The following DSE variants were observed in gnomAD, a reference collection of about 807,000 sequenced individuals.
DSE encodes the protein dermatan-sulfate epimerase.
Under a neutral mutation model 84.4 loss-of-function variants are expected in DSE, and 36 were observed. The observed-to-expected ratio is 0.43, with a 90% CI of 0.33 to 0.56. DSE has a LOEUF of 0.56. Among genes scored for constraint, DSE ranks in the 20% least tolerant of loss-of-function variants. The probability of loss-of-function intolerance (pLI) is 0.06; values close to 1 mark genes in which losing one functional copy is unlikely to be tolerated. For missense variants in DSE, 862 were observed against 1,169.6 expected (o/e 0.74, Z 3.84); for synonymous variants, 410 against 430.1 (o/e 0.95, Z 0.58).
upstream of DSE, chr6:116,370,941 G>C (rs539010928): frequency 1.3e-3 from 1,257 of 985,410 alleles, 2 homozygotes; most frequent in Non-Finnish European, 1.5e-3. Context: ...CGCCGGCCCG[G>C]CTCTCAGTAG....
chr6:116,361,374 C>T (rs1212587619), intron 2 of DSE, among the ~76,000 whole-genome samples: 1 of 152,146 alleles, frequency 6.6e-6, no homozygotes, highest in Non-Finnish European at 1.5e-5. Flanking sequence ...TAAGTTTTAA[C>T]ATCAAGAAAT....
chr6:116,339,287 T>C (rs890267900), intron 2 of DSE, among the ~76,000 whole-genome samples: 1 of 151,284 alleles, frequency 6.6e-6, no homozygotes, highest in Non-Finnish European at 1.5e-5. Flanking sequence ...CCAAAAGTAA[T>C]AACATTCCCC....
chr6:116,400,949 G>C (rs890928081), intron 2 of DSE: 9 of 152,094 alleles, frequency 5.9e-5, no homozygotes, highest in Non-Finnish European at 1.2e-4. Flanking sequence ...TATTTAGAAA[G>C]AAACCTTTGT....
At chr6:116,288,291 A>G (rs1180782003) in intron 2 of DSE, 3 of 152,164 alleles carry the variant, frequency 2.0e-5, no homozygotes, top group East Asian at 1.9e-4. Flanking sequence ...TAAGCTTTCA[A>G]TGAATAGAAG....
chr6:116,351,639 GA>G (rs1778317211), intron 2 of DSE, among the ~76,000 whole-genome samples: 1 of 151,442 alleles, frequency 6.6e-6, no homozygotes, highest in Non-Finnish European at 1.5e-5. Context: ...CTGCAAAGAG[GA>G]AAAAAAAGAA....
intron 2 of DSE, chr6:116,412,351 A>G (rs1227777634): frequency 6.6e-6 from 1 of 152,082 alleles, no homozygotes; most frequent in Non-Finnish European, 1.5e-5. Context: ...CCTTCATACA[A>G]CACCATCTGC....
chr6:116,352,189 A>T (rs1449190896), intron 2 of DSE, among the ~76,000 whole-genome samples: 2 of 152,138 alleles, frequency 1.3e-5, no homozygotes, highest in Non-Finnish European at 2.9e-5. Flanking sequence ...CTTGATTTTA[A>T]GTGTTTATAC....
At chr6:116,303,507 A>G (rs1446740491) in intron 2 of DSE, among the ~76,000 whole-genome samples, 1 of 152,162 alleles carries the variant, frequency 6.6e-6, no homozygotes, top group Admixed American at 6.5e-5. Flanking sequence ...CATGTTGTAG[A>G]TGATCGGTAT....
chr6:116,429,419 A>G (rs1330827997), intron 3 of DSE, among the ~76,000 whole-genome samples: 3 of 152,220 alleles, frequency 2.0e-5, no homozygotes, highest in Non-Finnish European at 4.4e-5. Context: ...CAATGTGGCT[A>G]CACCCACACC....
intron 2 of DSE, among the ~76,000 whole-genome samples, chr6:116,265,957 T>C (rs768414591): frequency 6.6e-6 from 1 of 152,146 alleles, no homozygotes; most frequent in Non-Finnish European, 1.5e-5. Flanking sequence ...ACCTTGAGTG[T>C]CCATGGTGGT....
At chr6:116,420,077 A>T (rs1306055192) in intron 2 of DSE, among the ~76,000 whole-genome samples, 2 of 152,222 alleles carry the variant, frequency 1.3e-5, no homozygotes, top group African/African-American at 2.4e-5. Context: ...AGGATTAATT[A>T]TAAAGGGAAT....
At chr6:116,321,490 T>C (rs1776317975) in intron 2 of DSE, among the ~76,000 whole-genome samples, 1 of 152,012 alleles carries the variant, frequency 6.6e-6, no homozygotes, top group South Asian at 2.1e-4. Context: ...AAAACTCTTC[T>C]TATATTTACA....
chr6:116,313,508 GT>G (rs1335341344), intron 2 of DSE, among the ~76,000 whole-genome samples: 1 of 152,128 alleles, frequency 6.6e-6, no homozygotes, highest in Non-Finnish European at 1.5e-5. Flanking sequence ...ATAATGATTG[GT>G]TACATAATAC....
intron 2 of DSE, among the ~76,000 whole-genome samples, chr6:116,323,595 C>T (rs1049912250): frequency 8.5e-5 from 13 of 152,250 alleles, no homozygotes; most frequent in African/African-American, 2.6e-4. Context: ...CTATTTTACT[C>T]ATTTTAGTTC....
rs1414214120 is a variant in DSE, at chr6:116,436,825, C to G, written c.2357C>G (p.Thr786Ser). Residue 786 changes from threonine (T) to serine (S), a missense_variant, in exon 6 of 6, where the codon ACT becomes AGT. Physicochemically the swap from Thr to Ser is moderately conservative, Grantham distance 58. Coordinates refer to ENST00000644252, the MANE Select transcript of DSE (RefSeq NM_013352.4). ...CTGAGATTTTCAGATAAGAGACAGA[C>G]TGAGGAGGCCATTGACAGGATTTTT... is the stretch of plus-strand genomic sequence containing the variant. ...RLLRFSDKRQTEEAIDRIFAI... is the reference protein window; with the variant it reads ...RLLRFSDKRQSEEAIDRIFAI... 6.2e-7 allele frequency: 1 copy of G among 1,613,986 alleles called. No homozygotes were observed. Among genetic ancestry groups the G allele is most frequent in the African/African-American group, 1.3e-5 (1 of 74,904 alleles).
Position 116,285,970 on chromosome 6 carries a change from G to A in DSE, c.-54+27003G>A, listed in dbSNP as rs1295719054. Among the ~76,000 whole-genome samples the A allele has an allele frequency of 2.0e-5, 3 of 152,128 alleles. No individual in the cohort carries two copies. The East Asian group carries it at 5.8e-4, about 29-fold the overall frequency. On this transcript the variant is annotated intron_variant, in intron 2 of 3. Coordinates refer to the DSE transcript ENST00000430252. The stretch of plus-strand genomic sequence containing the variant: ...CAGGTAGTGTGATGCCTCCAGCTTT[G>A]TTCTTTTTGCTTAGGATTGTCTTGG...
At chr6:116,391,409 A>G (rs1780894349) in intron 1 of DSE, among the ~76,000 whole-genome samples, 2 of 152,044 alleles carry the variant, frequency 1.3e-5, no homozygotes, top group Admixed American at 1.3e-4. Context: ...ATCATTTCAT[A>G]TTGTGGATTT....
chr6:116,279,032 G>T, intron 2 of DSE: 2 of 1,613,626 alleles, frequency 1.2e-6, no homozygotes, highest in Non-Finnish European at 1.7e-6. Flanking sequence ...TAGTTCCTCC[G>T]CTCCAGGTAG....
intron 2 of DSE, among the ~76,000 whole-genome samples, chr6:116,419,149 G>A (rs1782915452): frequency 6.6e-6 from 1 of 152,176 alleles, no homozygotes; most frequent in South Asian, 2.1e-4. Flanking sequence ...CCTAGATCAA[G>A]TCTCTATCTT....
Sources: allele counts gnomAD v4.1 joint callset (sites outside exome capture counted in the v4.1 genomes callset), GRCh38; gene constraint gnomAD v4.1.1; transcripts MANE v1.5; gene names NCBI Gene and HGNC (gene_info 2026-07-23, HGNC 2026-07-21).